Variants in STXBP4 observed in about 807,000 individuals in gnomAD.
STXBP4 encodes syntaxin binding protein 4.
STXBP4 carries 55 observed loss-of-function variants against 76.1 expected under a neutral mutation model. The observed-to-expected ratio is 0.72, with a 90% CI of 0.58 to 0.91. STXBP4 has a LOEUF of 0.91. STXBP4 is among the 40% of genes least tolerant of loss of function. The pLI is 0.00. For synonymous variants in STXBP4, 201 were observed against 220.2 expected (o/e 0.91, Z 0.77); for missense variants, 618 against 636.9 (o/e 0.97, Z 0.32).
intron 12 of STXBP4, among the ~76,000 whole-genome samples, chr17:55,047,799 A>G (rs2078809492): frequency 6.6e-6 from 1 of 151,928 alleles, no homozygotes; most frequent in South Asian, 2.1e-4. Flanking sequence ...AGAACCATAC[A>G]GGACCCATAT....
At chr17:55,008,471 A>G (rs1358752181) in intron 8 of STXBP4, among the ~76,000 whole-genome samples, 2 of 152,178 alleles carry the variant, frequency 1.3e-5, no homozygotes, top group African/African-American at 4.8e-5. Context: ...CGGTAGATTC[A>G]TGGCTAAGAC....
At chr17:55,156,516 G>T (rs1394118850) in intron 17 of STXBP4, among the ~76,000 whole-genome samples, 1 of 152,134 alleles carries the variant, frequency 6.6e-6, no homozygotes, top group African/African-American at 2.4e-5. Flanking sequence ...AATAAAACTA[G>T]CTATGATTAT....
the STXBP4 span, among the ~76,000 whole-genome samples, chr17:55,213,122 G>A: frequency 1.3e-5 from 2 of 152,190 alleles, no homozygotes; most frequent in African/African-American, 2.4e-5. Context: ...AGTAGATGCG[G>A]TGGTTGGGAA....
intron 16 of STXBP4, among the ~76,000 whole-genome samples, chr17:55,091,243 C>CGTTTTGCA (rs1404819760): frequency 6.6e-6 from 1 of 151,956 alleles, no homozygotes; most frequent in Non-Finnish European, 1.5e-5. Context: ...CTTGGGAATC[C>CGTTTTGCA]GTTTTGCAGT....
the STXBP4 span, among the ~76,000 whole-genome samples, chr17:55,205,464 G>A: frequency 6.6e-6 from 1 of 151,782 alleles, no homozygotes; most frequent in South Asian, 2.1e-4. Context: ...AACTTGTATA[G>A]GGCAAAAGAT....
chr17:55,108,535 A>T (rs918280721), intron 16 of STXBP4, among the ~76,000 whole-genome samples: 4 of 152,128 alleles, frequency 2.6e-5, no homozygotes, highest in Non-Finnish European at 5.9e-5. Flanking sequence ...GACCCTCGTG[A>T]TGTAGGCACC....
At chr17:55,069,600 C>G (rs1471523136) in intron 12 of STXBP4, among the ~76,000 whole-genome samples, 5 of 152,160 alleles carry the variant, frequency 3.3e-5, no homozygotes, top group African/African-American at 1.2e-4. Context: ...AACAGCCATT[C>G]AGTGGTAACT....
At chr17:55,185,711 T>C in the STXBP4 span, among the ~76,000 whole-genome samples, 1 of 152,254 alleles carries the variant, frequency 6.6e-6, no homozygotes, top group African/African-American at 2.4e-5. Flanking sequence ...ACTACTCTGA[T>C]AGGGCAAAGC....
At chr17:55,065,474 G>T (rs943560670) in intron 12 of STXBP4, among the ~76,000 whole-genome samples, 4 of 152,092 alleles carry the variant, frequency 2.6e-5, no homozygotes, top group African/African-American at 4.8e-5. Flanking sequence ...AATTTCAGAT[G>T]AATTCTAATG....
chr17:55,001,887 C>G (rs1027488230), intron 7 of STXBP4, among the ~76,000 whole-genome samples: 1 of 152,180 alleles, frequency 6.6e-6, no homozygotes, highest in African/African-American at 2.4e-5. Context: ...CTGCCTTGGC[C>G]TCCCAAAGTG....
chr17:55,078,760 C>G (rs1157590844), intron 15 of STXBP4, 25 bp downstream of exon 15: 14 of 1,261,526 alleles, frequency 1.1e-5, no homozygotes, highest in Non-Finnish European at 1.6e-5. Flanking sequence ...GTGCTTTTTG[C>G]AGAATATGGG....
At chr17:55,128,907 G>A (rs964786195) in intron 16 of STXBP4, among the ~76,000 whole-genome samples, 9 of 144,754 alleles carry the variant, frequency 6.2e-5, no homozygotes, top group African/African-American at 2.3e-4. Context: ...GAGCCACTGC[G>A]TCCAGCCTGT....
chr17:55,004,280 G>A (rs1230161624), intron 7 of STXBP4, among the ~76,000 whole-genome samples: 2 of 152,058 alleles, frequency 1.3e-5, no homozygotes, highest in Non-Finnish European at 2.9e-5. Flanking sequence ...CAAGTCTTTT[G>A]AAACTGAAGC....
At chr17:55,041,368 C>T (rs1052239563) in intron 10 of STXBP4, among the ~76,000 whole-genome samples, 1 of 151,886 alleles carries the variant, frequency 6.6e-6, no homozygotes, top group Non-Finnish European at 1.5e-5. Context: ...AGGAGTACCC[C>T]GCCATGTCTG....
chr17:54,994,713 C>T (rs1376268952), intron 4 of STXBP4, among the ~76,000 whole-genome samples: 1 of 152,136 alleles, frequency 6.6e-6, no homozygotes, highest in Non-Finnish European at 1.5e-5. Context: ...TGCAAGGTTC[C>T]ATATAGTGTG....
chr17:55,033,271 G>A (rs1036835610), intron 9 of STXBP4, among the ~76,000 whole-genome samples: 2 of 152,120 alleles, frequency 1.3e-5, no homozygotes, highest in Non-Finnish European at 2.9e-5. Context: ...CTACTCAGGA[G>A]GCTGAGGCAA....
At chr17:55,127,774 A>AT (rs1255667641) in intron 16 of STXBP4, among the ~76,000 whole-genome samples, 5 of 152,166 alleles carry the variant, frequency 3.3e-5, no homozygotes, top group South Asian at 2.1e-4. Flanking sequence ...ATTTTTTATG[A>AT]TTTTTTTCCA....
At chr17:55,208,738 AGACCT>A in the STXBP4 span, among the ~76,000 whole-genome samples, 1 of 152,182 alleles carries the variant, frequency 6.6e-6, no homozygotes, top group Non-Finnish European at 1.5e-5. Flanking sequence ...AAAATAAAAC[AGACCT>A]GCAGGGAGAT....
In STXBP4 at chr17:55,077,582, A is replaced by G. The variant is rs374903213; in HGVS notation, c.1189-496A>G. Reference sequence around the variant, plus strand: ...CCAGGGATCAGCATATACCCTCCGAACAAATAATGCTTCAGTGCTCTCTTA... The same window carrying G: ...CCAGGGATCAGCATATACCCTCCGAGCAAATAATGCTTCAGTGCTCTCTTA... On this transcript the variant is annotated intron_variant, in intron 13 of 17. Coordinates refer to ENST00000376352, the MANE Select transcript of STXBP4 (RefSeq NM_178509.6). Among the ~76,000 whole-genome samples, 239 of 152,140 alleles carry G rather than the reference A, an allele frequency of 1.6e-3. 7 individuals carry two copies. The South Asian group carries it at 0.045, about 29-fold the overall frequency.
Sources: gnomAD v4.1 joint callset for allele counts (sites outside exome capture counted in the v4.1 genomes callset) on GRCh38, gnomAD v4.1.1 for gene constraint, MANE v1.5 for transcripts, NCBI Gene and HGNC (gene_info 2026-07-23, HGNC 2026-07-21) for gene names.